EMC1: variants seen among roughly 807,000 people sequenced by gnomAD.
EMC1 encodes the protein KIAA0090.
EMC1 carries 103 observed loss-of-function variants against 128.8 expected under a neutral mutation model. The ratio of observed to expected loss-of-function variants is 0.80; its 90% CI spans 0.68 to 0.94. EMC1 has a LOEUF of 0.94. Ranked by LOEUF, EMC1 falls within the 40% of genes least tolerant of loss-of-function variation. EMC1 has a pLI of 0.00. For missense variants in EMC1, 1,083 were observed against 1,250.6 expected (o/e 0.87, Z 2.02); for synonymous variants, 442 against 490.4 (o/e 0.90, Z 1.30).
In EMC1 at chr1:19,237,234, T is replaced by C. The variant is rs1295283330; in HGVS notation, c.1217A>G (p.Tyr406Cys). 29 of 1,613,060 alleles carry C rather than the reference T, an allele frequency of 1.8e-5. No homozygotes were observed. Among genetic ancestry groups the C allele is most frequent in the Non-Finnish European group, 2.5e-5 (29 of 1,179,112 alleles). Reference sequence around the variant, plus strand: ...ATCCTTCTTCAAGAACACCTGGATATACAGCTATAAGCCACAGTCAAGACC... The same window carrying C: ...ATCCTTCTTCAAGAACACCTGGATACACAGCTATAAGCCACAGTCAAGACC... ...EQSGTRPERLYIQVFLKKDDS... is the reference protein window; with the variant it reads ...EQSGTRPERLCIQVFLKKDDS... The change falls in exon 12 of 23, where the codon TAT (tyrosine) becomes TGT (cysteine). Residue 406 changes from tyrosine to cysteine, a missense_variant. Tyr to Cys is a radical substitution (Grantham distance 194). Transcript: ENST00000477853.
Position 19,219,606 on chromosome 1 carries a change from A to G in EMC1, c.2765T>C (p.Ile922Thr). ...YNQTVSRMRG[I>T]YTAPSGLEST... ...CTCCAGACCCGAGGGAGCTGTGTAGATACCTCGCATTCGAGAAACTGTCTG... is the reference window on the plus strand; with the variant it reads ...CTCCAGACCCGAGGGAGCTGTGTAGGTACCTCGCATTCGAGAAACTGTCTG... Residue 922 changes from isoleucine to threonine, a missense_variant, in exon 22 of 23, where the codon ATC (isoleucine) becomes ACC (threonine). By Grantham distance (89) the Ile-to-Thr change is moderately conservative. This residue lies in a region of EMC1 where 527 missense variants were observed against 644.1 expected (regional missense o/e 0.82). Coordinates refer to ENST00000477853, the MANE Select transcript of EMC1 (RefSeq NM_015047.3). 6.2e-7 allele frequency: 1 copy of G among 1,614,118 alleles called. No individual in the cohort carries two copies. Among genetic ancestry groups the G allele is most frequent in the African/African-American group, 1.3e-5 (1 of 75,022 alleles).
chr1:19,243,970 G>A lies in EMC1; in HGVS notation c.266C>T (p.Ala89Val). ...CTTACCCTGTCCGTGCAGCAGCATG[G>A]CATCCACAGCCCCTTCTGCCGTGCC... ...DKGTAEGAVD[A>V]MLLHGQDVIT... Residue 89 changes from alanine to valine, a missense_variant, in exon 3 of 23, where the codon GCC becomes GTC. Physicochemically the swap from Ala to Val is moderately conservative, Grantham distance 64. This residue lies in a region of EMC1 where 544 missense variants were observed against 572.4 expected (regional missense o/e 0.95). Transcript: ENST00000477853. 6.2e-7 allele frequency: 1 copy of A among 1,614,060 alleles called. No individual in the cohort carries two copies. The highest frequency in any genetic ancestry group is 8.5e-7 in the Non-Finnish European group (1 of 1,179,998).
At chr1:19,232,236 G>A (rs1472152400) in intron 15 of EMC1, among the ~76,000 whole-genome samples, 1 of 152,174 alleles carries the variant, frequency 6.6e-6, no homozygotes, top group Non-Finnish European at 1.5e-5. Context: ...AGCCGTTCCA[G>A]GAAAGTGTCT....
intron 15 of EMC1, 72 bp from the exon 16 acceptor site, chr1:19,231,494 T>C (rs2093521554): frequency 6.8e-7 from 1 of 1,480,776 alleles, no homozygotes; most frequent in Non-Finnish European, 9.1e-7. Context: ...CCTGAAGAGC[T>C]GGGACTCCAG....
chr1:19,235,642 A>T (rs757291627), intron 12 of EMC1, among the ~76,000 whole-genome samples: 19 of 152,198 alleles, frequency 1.2e-4, no homozygotes, highest in Non-Finnish European at 2.1e-4. Flanking sequence ...TGGAGGTTGC[A>T]GTGAGCCGAG....
At chr1:19,233,569 C>T (rs2093540655) in intron 13 of EMC1, among the ~76,000 whole-genome samples, 1 of 152,190 alleles carries the variant, frequency 6.6e-6, no homozygotes, top group Non-Finnish European at 1.5e-5. Flanking sequence ...ACTTCCATCT[C>T]CCATTGCTTC....
intron 4 of EMC1, among the ~76,000 whole-genome samples, chr1:19,242,959 C>G (rs751163636): frequency 3.9e-5 from 6 of 152,204 alleles, no homozygotes; most frequent in Non-Finnish European, 7.3e-5. Context: ...CTTTAGGGGC[C>G]AGGCCCGGTG....
At chr1:19,220,186 G>C (rs2093420668) in intron 21 of EMC1, 1 of 163,082 alleles carries the variant, frequency 6.1e-6, no homozygotes, top group South Asian at 1.7e-4. Flanking sequence ...TCAGGATGGA[G>C]GTAAGAAAAC....
At chr1:19,232,038 G>A (rs1386807598) in intron 15 of EMC1, among the ~76,000 whole-genome samples, 1 of 152,040 alleles carries the variant, frequency 6.6e-6, no homozygotes, top group East Asian at 1.9e-4. Context: ...GAGGCAGGTG[G>A]ATCATCTAAG....
At chr1:19,224,998 G>A (rs1250391691) in intron 18 of EMC1, among the ~76,000 whole-genome samples, 2 of 152,140 alleles carry the variant, frequency 1.3e-5, no homozygotes, top group East Asian at 3.8e-4. Flanking sequence ...CCCCTCCTTA[G>A]CCACCCGACT....
chr1:19,218,112 A>G lies in EMC1; in HGVS notation c.*1191T>C, dbSNP rs1485070290. On this transcript the variant is annotated 3_prime_UTR_variant, in exon 23 of 23. Coordinates refer to ENST00000477853, the MANE Select transcript of EMC1 (RefSeq NM_015047.3). ...GTGTCATTTGTCACTTGCTTTATGC[A>G]AACATTCGAGTGTACCTCTTTCACC... 1 of 152,248 alleles carries G rather than the reference A, an allele frequency of 6.6e-6. No individual in the cohort carries two copies. Among genetic ancestry groups the G allele is most frequent in the Non-Finnish European group, 1.5e-5 (1 of 68,046 alleles). 9.4% of individuals were successfully genotyped at this position (152,248 alleles called of 1,614,324 possible). A position where few individuals can be genotyped will look rare whatever the true frequency, so the allele number is the denominator to read the frequency against.
Position 19,238,122 on chromosome 1 carries a change from G to T in EMC1, c.1107C>A (p.Phe369Leu). 1 of 1,614,102 alleles carries T rather than the reference G, an allele frequency of 6.2e-7. No individual in the cohort carries two copies. The highest frequency in any genetic ancestry group is 8.5e-7 in the Non-Finnish European group (1 of 1,180,012). The change falls in exon 11 of 23, where the codon TTC becomes TTA. Residue 369 changes from phenylalanine (F) to leucine (L), a missense_variant. Phe to Leu is a conservative substitution (Grantham distance 22). Transcript: ENST00000477853. ...KSSSKDSLACFNQTYTINLYL... is the reference protein window; with the variant it reads ...KSSSKDSLACLNQTYTINLYL... ...ATAGGTTAATGGTGTAGGTCTGATT[G>T]AAGCAAGCCAGAGAGTCCTAGGAGT...
chr1:19,219,563 A>G lies in EMC1; in HGVS notation c.2802+6T>C, dbSNP rs755451780. 1.9e-5 allele frequency: 30 copies of G among 1,613,926 alleles called. No individual in the cohort carries two copies. The highest frequency in any genetic ancestry group is 2.2e-5 in the Non-Finnish European group (26 of 1,179,992). On this transcript the variant is annotated splice_donor_region_variant and intron_variant, in intron 22 of 22. Transcript: ENST00000477853. ...GTGAAATAGGGCAGCTGTGGGCTCT[A>G]CTCACCAAACAAGTGGACTCCAGAC...
chr1:19,222,751 G>T lies in EMC1; in HGVS notation c.2460C>A (p.Thr820=). 6.2e-7 allele frequency: 1 copy of T among 1,614,140 alleles called. No individual in the cohort carries two copies. The highest frequency in any genetic ancestry group is 8.5e-7 in the Non-Finnish European group (1 of 1,180,010). Residue 820 remains threonine (T), a synonymous_variant, in exon 20 of 23, where the codon ACC becomes ACA. Transcript: ENST00000477853. ...LYEGTEQYNA[T]AFSSLDRPQL... The stretch of plus-strand genomic sequence containing the variant: ...GGGGGCGGTCCAGGGAGCTGAAGGC[G>T]GTGGCGTTGTATTGCTCAGTGCCCT...
rs116639626 is a variant in EMC1, at chr1:19,233,874, A to T, written c.1433-739T>A. ...TTCCTCATCTGTAAAGTGGCATGTA[A>T]CCCACTGGACTGTTCCAAAATTACA... On this transcript the variant is annotated intron_variant, in intron 13 of 22. Coordinates refer to ENST00000477853, the MANE Select transcript of EMC1 (RefSeq NM_015047.3). 4.9e-3 allele frequency among the ~76,000 whole-genome samples: 739 copies of T among 152,292 alleles called. 4 individuals carry two copies. Among genetic ancestry groups the T allele is most frequent in the African/African-American group, 0.016 (665 of 41,556 alleles).
At chr1:19,229,081 G>A (rs1379897967) in intron 17 of EMC1, among the ~76,000 whole-genome samples, 2 of 152,092 alleles carry the variant, frequency 1.3e-5, no homozygotes, top group East Asian at 1.9e-4. Context: ...ACACACGTGT[G>A]TCCACACAGC....
chr1:19,223,659 G>C, intron 18 of EMC1, 90 bp from the exon 19 acceptor site: 1 of 1,200,954 alleles, frequency 8.3e-7, no homozygotes. Flanking sequence ...GAGCTCTCCA[G>C]CCTGGCAGAG....
intron 10 of EMC1, among the ~76,000 whole-genome samples, 177 bp from the exon 11 acceptor site, chr1:19,238,316 G>A (rs976589946): frequency 1.3e-5 from 2 of 152,212 alleles, no homozygotes; most frequent in Non-Finnish European, 2.9e-5. Context: ...GAAATAAGGT[G>A]CCTGAGTAAA....
Position 19,218,528 on chromosome 1 carries a change from A to G in EMC1, c.*775T>C, listed in dbSNP as rs2093408332. ...TCTCTTCTCCCTGGAAATGTCTTCA[A>G]GGCTCAGACAATTCAGTAGTTTTTA... is the stretch of plus-strand genomic sequence containing the variant. On this transcript the variant is annotated 3_prime_UTR_variant, in exon 23 of 23. Coordinates refer to ENST00000477853, the MANE Select transcript of EMC1 (RefSeq NM_015047.3). 1 of 152,230 alleles carries G rather than the reference A, an allele frequency of 6.6e-6. No individual in the cohort carries two copies. Among genetic ancestry groups the G allele is most frequent in the Non-Finnish European group, 1.5e-5 (1 of 68,042 alleles). The allele number at this position is 152,230 out of a possible 1,614,324, so 9.4% of individuals were successfully genotyped here.
Sources: gnomAD v4.1 joint callset for allele counts (sites outside exome capture counted in the v4.1 genomes callset) on GRCh38, gnomAD v4.1.1 for gene constraint, gnomAD v4.1.1 regional missense constraint, MANE v1.5 for transcripts, NCBI Gene and HGNC (gene_info 2026-07-23, HGNC 2026-07-21) for gene names.